Variants in ERCC8 observed in about 807,000 individuals in gnomAD.
ERCC8 encodes the protein ERCC excision repair 8, CSA ubiquitin ligase complex subunit, also known as DNA excision repair protein ERCC-8.
Under a neutral mutation model 54.9 loss-of-function variants are expected in ERCC8, and 52 were observed. The observed-to-expected ratio is 0.95, with a 90% confidence interval of 0.76 to 1.19. The LOEUF (loss-of-function observed/expected upper bound fraction) is 1.19, where lower values mean the gene tolerates loss of function less well. ERCC8 is among the 50% of genes most tolerant of loss of function. The pLI, the probability that ERCC8 is intolerant of heterozygous loss-of-function variation, is 0.00. For synonymous variants in ERCC8, 146 were observed against 157.2 expected (o/e 0.93, Z 0.53); for missense variants, 514 against 466.1 (o/e 1.10, Z -0.95).
At chr5:60,927,262 C>T (rs1749775092) in intron 2 of ERCC8, among the ~76,000 whole-genome samples, 1 of 152,180 alleles carries the variant, frequency 6.6e-6, no homozygotes, top group African/African-American at 2.4e-5. Context: ...TTACAGCTCT[C>T]ATGGTGGATG....
intron 2 of ERCC8, among the ~76,000 whole-genome samples, chr5:60,922,679 T>C (rs991766770): frequency 1.3e-5 from 2 of 152,050 alleles, no homozygotes; most frequent in Admixed American, 6.6e-5. Flanking sequence ...AGGGGCTCAA[T>C]AAATGTTAGA....
intron 2 of ERCC8, among the ~76,000 whole-genome samples, chr5:60,923,193 T>C (rs1053530662): frequency 4.6e-5 from 7 of 152,154 alleles, no homozygotes; most frequent in South Asian, 2.1e-4. Context: ...GTCTATTATA[T>C]TGGTAGAACC....
At chr5:60,940,942 C>T (rs991208967) in intron 1 of ERCC8, among the ~76,000 whole-genome samples, 5 of 152,136 alleles carry the variant, frequency 3.3e-5, no homozygotes, top group Non-Finnish European at 2.9e-5. Context: ...AAAAGACAAA[C>T]AAAACAAGCC....
chr5:60,902,524 T>C lies in ERCC8; in HGVS notation c.551-16A>G, dbSNP rs777485111. ...TGTCTGTGACCTGCAAATACAACTA[T>C]ATGAAAAGTCTTGCAAGATATCTGA... On this transcript the variant is annotated splice_polypyrimidine_tract_variant and intron_variant, in intron 6 of 11. Transcript: ENST00000676185. 37 of 1,603,056 alleles carry C rather than the reference T, an allele frequency of 2.3e-5. No homozygotes were observed. The highest frequency in any genetic ancestry group is 1.6e-4 in the East Asian group (7 of 44,710).
intron 1 of ERCC8, among the ~76,000 whole-genome samples, chr5:60,939,261 CA>C (rs1239312825): frequency 6.6e-6 from 1 of 152,176 alleles, no homozygotes; most frequent in African/African-American, 2.4e-5. Context: ...TATATATTTA[CA>C]TTTAATCATA....
At chr5:60,889,267 T>C (rs1433915180) in intron 10 of ERCC8, among the ~76,000 whole-genome samples, 1 of 152,234 alleles carries the variant, frequency 6.6e-6, no homozygotes, top group Non-Finnish European at 1.5e-5. Context: ...GTTGAGATTA[T>C]ATAAATATCT....
chr5:60,875,891 T>TTC (rs1226935984), intron 11 of ERCC8, among the ~76,000 whole-genome samples: 1 of 111,556 alleles, frequency 9.0e-6, no homozygotes, highest in Non-Finnish European at 1.8e-5. Context: ...TATTTATTTT[T>TTC]TCTTTTTTTT....
chr5:60,923,669 A>T lies in ERCC8; in HGVS notation c.174-1514T>A, dbSNP rs116651259. 8.3e-3 allele frequency among the ~76,000 whole-genome samples: 1,264 copies of T among 151,836 alleles called. 14 individuals are homozygous for T. The highest frequency in any genetic ancestry group is 0.029 in the African/African-American group (1,202 of 41,562). On this transcript the variant is annotated intron_variant, in intron 2 of 11. Coordinates refer to ENST00000676185, the MANE Select transcript of ERCC8 (RefSeq NM_000082.4). ...AGTATACTTATTTTTTTACAAGACA[A>T]AATTCTCCTTGAACAAATTCTTTAT... is the stretch of plus-strand genomic sequence containing the variant.
intron 9 of ERCC8, among the ~76,000 whole-genome samples, chr5:60,896,864 T>A (rs1748738753): frequency 6.6e-6 from 1 of 152,138 alleles, no homozygotes; most frequent in Non-Finnish European, 1.5e-5. Flanking sequence ...TTTATATTTA[T>A]CACATTAAAC....
Position 60,867,505 on chromosome 5 carries a change from T to C in ERCC8, c.*7110A>G, listed in dbSNP as rs1055728752. Among the ~76,000 whole-genome samples the C allele has an allele frequency of 2.0e-5, 3 of 152,242 alleles. No individual in the cohort carries two copies. The highest frequency in any genetic ancestry group is 6.5e-5 in the Admixed American group (1 of 15,284). ...AGTGATCATCACTGAGTTATTCTAA[T>C]AACTTTTTCCATAATACTCTGAATT... On this transcript the variant is annotated 3_prime_UTR_variant, in exon 12 of 12. Transcript: ENST00000676185.
At chr5:60,876,631 T>C (rs1235303301) in intron 11 of ERCC8, among the ~76,000 whole-genome samples, 4 of 152,250 alleles carry the variant, frequency 2.6e-5, no homozygotes, top group African/African-American at 9.6e-5. Context: ...TGATGGCCAG[T>C]GATGATGAGC....
intron 9 of ERCC8, chr5:60,891,907 G>T: frequency 4.1e-6 from 2 of 482,524 alleles, no homozygotes; most frequent in South Asian, 1.6e-5. Flanking sequence ...TGCTTGGATC[G>T]GAAGGGAAGT....
At chr5:60,895,977 A>ATTTT (rs1748711971) in intron 9 of ERCC8, among the ~76,000 whole-genome samples, 1 of 151,742 alleles carries the variant, frequency 6.6e-6, no homozygotes, top group African/African-American at 2.4e-5. Context: ...TCATATTAAT[A>ATTTT]TTTCTTTTCT....
intron 8 of ERCC8, among the ~76,000 whole-genome samples, chr5:60,898,980 A>T (rs2082734596): frequency 7.0e-6 from 1 of 143,222 alleles, no homozygotes; most frequent in African/African-American, 2.6e-5. Flanking sequence ...CTAATATATG[A>T]AATATATTAG....
At chr5:60,932,601 G>A (rs1476720980) in intron 1 of ERCC8, among the ~76,000 whole-genome samples, 1 of 152,196 alleles carries the variant, frequency 6.6e-6, no homozygotes, top group African/African-American at 2.4e-5. Flanking sequence ...AAGGATTCTT[G>A]GAAGCCTGTG....
At chr5:60,920,682 A>G (rs756192813) in intron 3 of ERCC8, among the ~76,000 whole-genome samples, 1 of 151,966 alleles carries the variant, frequency 6.6e-6, no homozygotes, top group Non-Finnish European at 1.5e-5. Flanking sequence ...TCCATTTTCA[A>G]ATTCAAAGTC....
intron 4 of ERCC8, among the ~76,000 whole-genome samples, chr5:60,905,306 ATCT>A (rs1561504681): frequency 1.3e-5 from 2 of 152,082 alleles, no homozygotes; most frequent in African/African-American, 4.8e-5. Context: ...TATGACCACA[ATCT>A]TCTACCATTT....
chr5:60,892,887 G>A, intron 9 of ERCC8: 2 of 709,588 alleles, frequency 2.8e-6, no homozygotes, highest in Non-Finnish European at 5.2e-6. Context: ...CCCAATATTG[G>A]GAAGGCCTAC....
intron 1 of ERCC8, among the ~76,000 whole-genome samples, chr5:60,936,304 T>A (rs1462913943): frequency 1.3e-5 from 2 of 152,172 alleles, no homozygotes; most frequent in Admixed American, 6.5e-5. Context: ...TTTATGTGCA[T>A]AAAGATGTTG....
Sources: allele counts gnomAD v4.1 joint callset (sites outside exome capture counted in the v4.1 genomes callset), GRCh38; gene constraint gnomAD v4.1.1; transcripts MANE v1.5; gene names NCBI Gene and HGNC (gene_info 2026-07-23, HGNC 2026-07-21).